SH3BGRL2: variants seen among roughly 807,000 people sequenced by gnomAD.
The protein encoded by SH3BGRL2 is SH3 domain-binding glutamic acid-rich-like protein 2.
In SH3BGRL2, 21 loss-of-function variants were observed where a neutral mutation model predicts 14.8. That is an observed-to-expected ratio of 1.42 (90% CI 1.01 to 2.05). The LOEUF (loss-of-function observed/expected upper bound fraction) is 2.05, where lower values mean the gene tolerates loss of function less well. SH3BGRL2 is among the 30% of genes most tolerant of loss of function. The probability of loss-of-function intolerance (pLI) is 0.00; values close to 1 mark genes in which losing one functional copy is unlikely to be tolerated. For missense variants in SH3BGRL2, 147 were observed against 130.8 expected (o/e 1.12, Z -0.61); for synonymous variants, 50 against 47.8 (o/e 1.05, Z -0.19).
chr6:79,567,754 A>C, the SH3BGRL2 span, among the ~76,000 whole-genome samples: 1 of 152,268 alleles, frequency 6.6e-6, no homozygotes, highest in Non-Finnish European at 1.5e-5. Flanking sequence ...ACAACTATCA[A>C]AATTAAAACT....
At chr6:79,606,168 TTGA>T in the SH3BGRL2 span, among the ~76,000 whole-genome samples, 1 of 152,102 alleles carries the variant, frequency 6.6e-6, no homozygotes, top group Non-Finnish European at 1.5e-5. Context: ...TGGCACCCTG[TTGA>T]TCTCTGGTGG....
chr6:79,627,942 C>T (rs1004412423), upstream of SH3BGRL2, among the ~76,000 whole-genome samples: 1 of 152,098 alleles, frequency 6.6e-6, no homozygotes, highest in African/African-American at 2.4e-5. Context: ...AAAATCACAT[C>T]TTTATCTTTT....
At chr6:79,662,450 G>C (rs955600937) in intron 1 of SH3BGRL2, among the ~76,000 whole-genome samples, 22 of 152,096 alleles carry the variant, frequency 1.4e-4, no homozygotes, top group Admixed American at 1.3e-4. Flanking sequence ...AAATTCTTTT[G>C]TTTAAGAATG....
chr6:79,666,057 G>A (rs776978598), intron 1 of SH3BGRL2, among the ~76,000 whole-genome samples: 53 of 152,288 alleles, frequency 3.5e-4, no homozygotes, highest in Admixed American at 1.0e-3. Context: ...ACAATGAGGC[G>A]TACTGCTGAG....
chr6:79,662,940 G>T (rs1322508933), intron 1 of SH3BGRL2, among the ~76,000 whole-genome samples: 1 of 152,030 alleles, frequency 6.6e-6, no homozygotes, highest in Non-Finnish European at 1.5e-5. Flanking sequence ...GATCAAATCG[G>T]CTGTTGAAGC....
At chr6:79,695,068 C>T (rs1770304233) in intron 2 of SH3BGRL2, among the ~76,000 whole-genome samples, 1 of 152,198 alleles carries the variant, frequency 6.6e-6, no homozygotes, top group South Asian at 2.1e-4. Flanking sequence ...TTATCCCTGT[C>T]CACCCTGCCA....
the SH3BGRL2 span, among the ~76,000 whole-genome samples, chr6:79,581,726 GCA>G: frequency 6.6e-6 from 1 of 152,124 alleles, no homozygotes; most frequent in Non-Finnish European, 1.5e-5. Flanking sequence ...TTGAAAACCG[GCA>G]CAAAACAAGG....
chr6:79,627,343 G>C (rs753524698), upstream of SH3BGRL2, among the ~76,000 whole-genome samples: 5 of 152,142 alleles, frequency 3.3e-5, no homozygotes, highest in Non-Finnish European at 7.3e-5. Context: ...ACACAAATGT[G>C]GTCCAAATAT....
the SH3BGRL2 span, among the ~76,000 whole-genome samples, chr6:79,555,834 A>T: frequency 1.3e-5 from 2 of 152,186 alleles, no homozygotes. Context: ...AATGAAAATT[A>T]ATAATTATGA....
chr6:79,557,350 T>A, the SH3BGRL2 span, among the ~76,000 whole-genome samples: 1 of 151,984 alleles, frequency 6.6e-6, no homozygotes, highest in Non-Finnish European at 1.5e-5. Flanking sequence ...TTAATACCTA[T>A]CTGTAATTGC....
At chr6:79,641,235 G>C (rs1177270326) in intron 1 of SH3BGRL2, among the ~76,000 whole-genome samples, 1 of 147,606 alleles carries the variant, frequency 6.8e-6, no homozygotes, top group Non-Finnish European at 1.5e-5. Context: ...TCTTTCACTG[G>C]TTCTCTTTTA....
the SH3BGRL2 span, among the ~76,000 whole-genome samples, chr6:79,606,402 T>G: frequency 6.6e-6 from 1 of 152,240 alleles, no homozygotes; most frequent in African/African-American, 2.4e-5. Context: ...TAGATACCCT[T>G]CCTGGAAGAA....
Position 79,647,282 on chromosome 6 carries a change from A to G in SH3BGRL2, c.45+15776A>G, listed in dbSNP as rs773988338. On this transcript the variant is annotated intron_variant, in intron 1 of 3. Transcript: ENST00000369838. ...GTGTGGTTTTGATTTGCATTTTCCT[A>G]ATGACTAATAATGTTGTTTTTTTTT... Among the ~76,000 whole-genome samples the G allele has an allele frequency of 1.3e-3, 198 of 151,762 alleles. 1 individual carries two copies. The highest frequency in any genetic ancestry group is 3.4e-3 in the Middle Eastern group (1 of 292).
chr6:79,668,259 A>G (rs776433891), intron 1 of SH3BGRL2, among the ~76,000 whole-genome samples: 2 of 152,144 alleles, frequency 1.3e-5, no homozygotes, highest in Non-Finnish European at 2.9e-5. Flanking sequence ...GCCACAGAGT[A>G]GGGGGTTAAG....
intron 2 of SH3BGRL2, among the ~76,000 whole-genome samples, chr6:79,681,775 C>A (rs1003224542): frequency 2.0e-5 from 3 of 151,932 alleles, no homozygotes; most frequent in African/African-American, 4.8e-5. Flanking sequence ...AGAACCTAAT[C>A]CCATTATTAC....
chr6:79,659,129 G>C (rs1009054719), intron 1 of SH3BGRL2, among the ~76,000 whole-genome samples: 2 of 152,134 alleles, frequency 1.3e-5, no homozygotes, highest in East Asian at 1.9e-4. Context: ...CCGTGCAGAA[G>C]CTCTTTAGTT....
At chr6:79,636,949 G>A (rs769857306) in intron 1 of SH3BGRL2, among the ~76,000 whole-genome samples, 2 of 152,096 alleles carry the variant, frequency 1.3e-5, no homozygotes, top group African/African-American at 2.4e-5. Flanking sequence ...GGTACTGGGG[G>A]TTAGGACCTC....
At chr6:79,587,946 C>T in the SH3BGRL2 span, among the ~76,000 whole-genome samples, 84 of 151,414 alleles carry the variant, frequency 5.5e-4, no homozygotes, top group Non-Finnish European at 7.2e-4. Flanking sequence ...GAGGCTGAGG[C>T]GGGCGGATCA....
the SH3BGRL2 span, among the ~76,000 whole-genome samples, chr6:79,538,038 T>TG: frequency 1.4e-5 from 2 of 138,548 alleles, no homozygotes; most frequent in South Asian, 4.6e-4. Flanking sequence ...TTTTTTTTTT[T>TG]TTTTTTTTTT....
Sources: allele counts gnomAD v4.1 joint callset (sites outside exome capture counted in the v4.1 genomes callset), GRCh38; gene constraint gnomAD v4.1.1; transcripts MANE v1.5; gene names NCBI Gene and HGNC (gene_info 2026-07-23, HGNC 2026-07-21).